The following TIAM1 variants were observed in gnomAD, a reference collection of about 807,000 sequenced individuals.
TIAM1 encodes rho guanine nucleotide exchange factor TIAM1.
A neutral mutation model predicts 163.5 loss-of-function variants in TIAM1; 65 were observed. That is an observed-to-expected ratio of 0.40 (90% CI 0.33 to 0.49). TIAM1 has a LOEUF of 0.49. TIAM1 is among the 20% of genes least tolerant of loss of function. TIAM1 has a pLI of 0.77. For synonymous variants in TIAM1, 833 were observed against 810.1 expected (o/e 1.03, Z -0.48); for missense variants, 1,789 against 2,044.7 (o/e 0.87, Z 2.41).
rs1602175461 is a variant in TIAM1, at chr21:31,395,175, T to C, written c.-368-55753A>G. On this transcript the variant is annotated intron_variant, in intron 2 of 28. Transcript: ENST00000286827. This position sits in a 1 kb window ranked among gnomAD's most constrained non-coding sequence, Gnocchi z 7.5. ...ATTGCTTGAGCCTGGGAGGCAGAGG[T>C]TGCAGTAAGCTGAGATCGCGCCACC... Among the ~76,000 whole-genome samples the C allele has an allele frequency of 4.0e-5, 6 of 151,434 alleles. No individual in the cohort carries two copies. The highest frequency in any genetic ancestry group is 3.9e-4 in the Admixed American group (6 of 15,224).
Position 31,210,679 on chromosome 21 carries a change from GAAAGAAAAA to G in TIAM1, c.2218-473_2218-465del, listed in dbSNP as rs1569033167. On this transcript the variant is annotated intron_variant, in intron 10 of 27. Transcript: ENST00000541036. Reference sequence around the variant, plus strand: ...AAAGAAAGAAAGAAAAAGAAAGAAAGAAAGAAAAAGAAAGAAAGAAAGAAAGAGAAAGAA... The same window carrying G: ...AAAGAAAGAAAGAAAAAGAAAGAAAGGAAAGAAAGAAAGAAAGAGAAAGAA... 3.1e-4 allele frequency among the ~76,000 whole-genome samples: 22 copies of G among 70,448 alleles called. 1 individual carries two copies. The highest frequency in any genetic ancestry group is 1.6e-3 in the African/African-American group (22 of 13,370). 46.2% of individuals were successfully genotyped at this position (70,448 alleles called of 152,430 possible).
chr21:31,436,738 G>A (rs1197634026), intron 2 of TIAM1, among the ~76,000 whole-genome samples: 1 of 152,012 alleles, frequency 6.6e-6, no homozygotes, highest in African/African-American at 2.4e-5. Context: ...CAGGCAGATC[G>A]TCTGAGGTTA....
intron 2 of TIAM1, among the ~76,000 whole-genome samples, chr21:31,314,321 C>T (rs2833372): frequency 0.035 from 5,357 of 152,010 alleles, 323 homozygotes; most frequent in African/African-American, 0.12. Flanking sequence ...TAGAGGTATC[C>T]TGAGAATAAC....
chr21:31,179,243 C>T (rs2084903695), intron 15 of TIAM1, among the ~76,000 whole-genome samples: 1 of 151,408 alleles, frequency 6.6e-6, no homozygotes, highest in Non-Finnish European at 1.5e-5. Flanking sequence ...AAAAATTAGC[C>T]AGGCGAGGTG....
intron 2 of TIAM1, among the ~76,000 whole-genome samples, chr21:31,314,694 G>T (rs1016176059): frequency 6.6e-6 from 1 of 152,054 alleles, no homozygotes; most frequent in Non-Finnish European, 1.5e-5. Flanking sequence ...GTTGAAAAGC[G>T]CTACCCAGAC....
rs1260924044 is a variant in TIAM1 at position 31,119,554 on chromosome 21, C to T, written c.*814G>A. 2.6e-5 allele frequency: 4 copies of T among 152,490 alleles called. No homozygotes were observed. The highest frequency in any genetic ancestry group is 4.4e-5 in the Non-Finnish European group (3 of 68,034). 9.4% of individuals were successfully genotyped at this position (152,490 alleles called of 1,614,324 possible). ...CTTTCATATATAAATATAAAACCAC[C>T]ACGCCTCACTCTCTCTGTAAAAGGT... On this transcript the variant is annotated 3_prime_UTR_variant, in exon 28 of 28. Coordinates refer to ENST00000541036, the MANE Select transcript of TIAM1 (RefSeq NM_001353694.2).
intron 11 of TIAM1, among the ~76,000 whole-genome samples, chr21:31,206,213 G>T (rs1291241668): frequency 1.3e-5 from 2 of 152,094 alleles, no homozygotes; most frequent in Admixed American, 6.6e-5. Context: ...TACTATTTTG[G>T]TAAAAGTTTC....
At chr21:31,488,751 C>A (rs73197638) in intron 1 of TIAM1, among the ~76,000 whole-genome samples, 3,806 of 152,152 alleles carry the variant, frequency 0.025, 65 homozygotes, top group Non-Finnish European at 0.037. Flanking sequence ...CACCTGGCCC[C>A]ATCTTGGCAT....
rs137901921 is a variant in TIAM1 at position 31,251,842 on chromosome 21, G to A, written c.1311C>T (p.Ala437=). Residue 437 remains alanine (A), a synonymous_variant, in exon 5 of 28, where the codon GCC becomes GCT. Coordinates refer to ENST00000541036, the MANE Select transcript of TIAM1 (RefSeq NM_001353694.2). The part of the protein sequence containing the change: ...LTAAQGTVRK[A]GALAVKNFLV... ...GGAAGTTCTTGACGGCCAGGGCGCC[G>A]GCCTTGCGCACCGTGCCCTGTGCGG... 1.2e-6 allele frequency: 2 copies of A among 1,613,762 alleles called. No individual in the cohort carries two copies. The highest frequency in any genetic ancestry group is 1.1e-5 in the South Asian group (1 of 91,048).
At chr21:31,221,061 T>G (rs2146610652) in intron 8 of TIAM1, among the ~76,000 whole-genome samples, 1 of 152,050 alleles carries the variant, frequency 6.6e-6, no homozygotes, top group Non-Finnish European at 1.5e-5. Context: ...AAAAAAAATT[T>G]CTGGACAAAG....
chr21:31,197,424 G>C (rs959127618), intron 12 of TIAM1, among the ~76,000 whole-genome samples: 1 of 148,190 alleles, frequency 6.7e-6, no homozygotes, highest in Non-Finnish European at 1.5e-5. Flanking sequence ...CGCCCAGGCT[G>C]GAGTGCAGCG....
Position 31,428,812 on chromosome 21 carries a change from G to T in TIAM1, c.-369+35171C>A, listed in dbSNP as rs2043890940. Among the ~76,000 whole-genome samples, 4 of 151,336 alleles carry T rather than the reference G, an allele frequency of 2.6e-5. No homozygotes were observed. The South Asian group carries it at 8.4e-4, about 32-fold the overall frequency. On this transcript the variant is annotated intron_variant, in intron 2 of 28. Transcript: ENST00000286827. ...GTGGGAGGCCTTCTTGAGCCCAGGA[G>T]GCCAAGGCTGCAGTGAGCTGAGATC...
intron 1 of TIAM1, among the ~76,000 whole-genome samples, chr21:31,489,573 C>G (rs1602404547): frequency 2.2e-4 from 1 of 4,446 alleles, no homozygotes. Context: ...AAGTGCAGAC[C>G]CCCCCCCCCT....
intron 2 of TIAM1, among the ~76,000 whole-genome samples, chr21:31,309,395 T>C (rs1173430986): frequency 6.6e-6 from 1 of 152,118 alleles, no homozygotes; most frequent in African/African-American, 2.4e-5. Context: ...AAGGCTGAGG[T>C]TGCAGGGAGC....
intron 12 of TIAM1, among the ~76,000 whole-genome samples, chr21:31,196,532 G>A (rs1048737159): frequency 3.4e-5 from 5 of 146,208 alleles, no homozygotes; most frequent in African/African-American, 1.3e-4. Flanking sequence ...TGTTGGACAG[G>A]CTGGTCTCAA....
At chr21:31,296,873 C>T (rs1444457410) in intron 2 of TIAM1, among the ~76,000 whole-genome samples, 1 of 152,142 alleles carries the variant, frequency 6.6e-6, no homozygotes, top group Non-Finnish European at 1.5e-5. Context: ...TCGTGTTAGC[C>T]AGGATGGTCT....
chr21:31,386,037 C>T (rs2076865770), intron 2 of TIAM1, among the ~76,000 whole-genome samples: 1 of 151,482 alleles, frequency 6.6e-6, no homozygotes, highest in South Asian at 2.1e-4. Context: ...CAAAATTAAA[C>T]TCTAAGAGAA....
At chr21:31,166,887 A>G (rs2084245906) in intron 15 of TIAM1, among the ~76,000 whole-genome samples, 1 of 152,166 alleles carries the variant, frequency 6.6e-6, no homozygotes, top group South Asian at 2.1e-4. Flanking sequence ...CAGCATCCTC[A>G]GTGGGACGTC....
chr21:31,181,753 CTTCTTTTTTT>C (rs2085027720), intron 15 of TIAM1, among the ~76,000 whole-genome samples: 4 of 39,436 alleles, frequency 1.0e-4, no homozygotes, highest in African/African-American at 2.3e-4. Flanking sequence ...TCTTCTTCTT[CTTCTTTTTTT>C]TTTTTTTTTT....
Sources: allele counts gnomAD v4.1 joint callset (sites outside exome capture counted in the v4.1 genomes callset), GRCh38; gene constraint gnomAD v4.1.1; non-coding constraint Gnocchi (gnomAD v3.1); transcripts MANE v1.5; gene names NCBI Gene and HGNC (gene_info 2026-07-23, HGNC 2026-07-21).